Variants in VRK2 observed in about 807,000 individuals in gnomAD.
VRK2 encodes the protein VRK serine/threonine kinase 2.
Under a neutral mutation model 57.6 loss-of-function variants are expected in VRK2, and 60 were observed. The observed-to-expected ratio is 1.04, with a 90% CI of 0.85 to 1.29. The LOEUF (loss-of-function observed/expected upper bound fraction) is 1.29, where lower values mean the gene tolerates loss of function less well. Ranked by LOEUF, VRK2 falls within the 50% of genes most tolerant of loss-of-function variation. VRK2 has a pLI of 0.00. For synonymous variants in VRK2, 231 were observed against 199.2 expected, an observed-to-expected ratio of 1.16 and a Z score of -1.35; for missense variants, 705 against 588.1, an observed-to-expected ratio of 1.20 and a Z score of -2.06.
intron 1 of VRK2, among the ~76,000 whole-genome samples, chr2:57,938,109 C>T (rs919226019): frequency 7.2e-5 from 11 of 152,222 alleles, no homozygotes; most frequent in Middle Eastern, 3.4e-3. Flanking sequence ...GGATTAATGG[C>T]GTGAGCCACT....
intron 7 of VRK2, among the ~76,000 whole-genome samples, chr2:58,092,162 C>T (rs1245200265): frequency 6.6e-6 from 1 of 152,180 alleles, no homozygotes. Context: ...CAAAAGTTCT[C>T]TCATTCCTGT....
chr2:57,919,374 G>A (rs1670261784), intron 1 of VRK2, among the ~76,000 whole-genome samples: 1 of 152,024 alleles, frequency 6.6e-6, no homozygotes, highest in Admixed American at 6.6e-5. Context: ...TGTTTGCAAT[G>A]CTAAGAAAGT....
chr2:58,159,473 T>A lies in VRK2; in HGVS notation c.1307T>A (p.Phe436Tyr). ...TCATTTTATGAGCCTCATCAAGATT[T>A]TACCAGTCCAGATATATTCAAGAAG... ...PNSFYEPHQD[F>Y]TSPDIFKKSR... Residue 436 changes from phenylalanine to tyrosine, a missense_variant, in exon 13 of 13, where the codon TTT becomes TAT. Coordinates refer to ENST00000340157, the MANE Select transcript of VRK2 (RefSeq NM_006296.7). The A allele has an allele frequency of 6.2e-7, 1 of 1,613,776 alleles. No individual in the cohort carries two copies. Among genetic ancestry groups the A allele is most frequent in the Non-Finnish European group, 8.5e-7 (1 of 1,179,794 alleles).
At chr2:57,990,517 C>T (rs922324865) in intron 1 of VRK2, among the ~76,000 whole-genome samples, 2 of 152,128 alleles carry the variant, frequency 1.3e-5, no homozygotes, top group South Asian at 4.1e-4. Flanking sequence ...TTCAAAATGG[C>T]ACAGCAACTT....
intron 7 of VRK2, among the ~76,000 whole-genome samples, chr2:58,119,016 C>T (rs954997553): frequency 3.3e-5 from 5 of 151,986 alleles, no homozygotes; most frequent in South Asian, 2.1e-4. Flanking sequence ...TCAGTTAAGG[C>T]GGGGCAGGGC....
chr2:58,146,383 TC>T lies in VRK2; in HGVS notation c.1093del (p.His365ThrfsTer20). On this transcript the variant is annotated frameshift_variant, in exon 12 of 13. Coordinates refer to ENST00000340157, the MANE Select transcript of VRK2 (RefSeq NM_006296.7). LOFTEE classifies it high-confidence loss of function. Reference protein sequence around the residue: ...KAHNRLIEKKVHSERSAESCA... With the variant: ...KAHNRLIEKKXHSERSAESCA... ...CACAATAGGTTAATCGAAAAAAAAG[TC>T]CACAGTGAGAGAAGCGCTGAGTCCT... The T allele has an allele frequency of 6.2e-7, 1 of 1,611,676 alleles. No homozygotes were observed. Among genetic ancestry groups the T allele is most frequent in the Non-Finnish European group, 8.5e-7 (1 of 1,178,390 alleles).
intron 2 of VRK2, among the ~76,000 whole-genome samples, chr2:58,073,187 A>G (rs984638953): frequency 5.9e-5 from 9 of 151,988 alleles, no homozygotes; most frequent in African/African-American, 1.9e-4. Context: ...TATGATTTCT[A>G]TTCTTTTAAA....
At chr2:57,998,641 G>A (rs1381882827) in intron 1 of VRK2, among the ~76,000 whole-genome samples, 2 of 151,970 alleles carry the variant, frequency 1.3e-5, no homozygotes, top group African/African-American at 2.4e-5. Flanking sequence ...TTTAATGAAC[G>A]GGCCTGATGA....
At chr2:57,910,113 A>G (rs1190739725) in intron 1 of VRK2, among the ~76,000 whole-genome samples, 6 of 138,058 alleles carry the variant, frequency 4.3e-5, no homozygotes, top group South Asian at 2.2e-4. Context: ...AAGATAGAGG[A>G]AAAAAAAAAA....
intron 1 of VRK2, among the ~76,000 whole-genome samples, chr2:57,976,298 T>C (rs1382798715): frequency 1.3e-5 from 2 of 152,154 alleles, no homozygotes; most frequent in Non-Finnish European, 2.9e-5. Context: ...CTGGGTCAAG[T>C]GGTAGTTCTG....
intron 2 of VRK2, among the ~76,000 whole-genome samples, chr2:58,033,041 A>G (rs1027920332): frequency 1.3e-5 from 2 of 152,114 alleles, no homozygotes; most frequent in African/African-American, 4.8e-5. Context: ...TTAGGATTTA[A>G]CATATGAATT....
chr2:57,919,911 A>G (rs1235563365), intron 1 of VRK2, among the ~76,000 whole-genome samples: 2 of 152,128 alleles, frequency 1.3e-5, no homozygotes, highest in Non-Finnish European at 2.9e-5. Context: ...AGCTGAAGTT[A>G]AAAGTCTAAA....
chr2:58,075,369 G>A lies in VRK2; in HGVS notation c.137-8720G>A, dbSNP rs1427564984. Among the ~76,000 whole-genome samples, 4 of 152,146 alleles carry A rather than the reference G, an allele frequency of 2.6e-5. No individual in the cohort carries two copies. The East Asian group carries it at 7.7e-4, about 29-fold the overall frequency. Reference sequence around the variant, plus strand: ...ACATTCATGTGCATGGGTCTTTTTGGTAAAGCAATTTATATTCTTTTGGGT... The same window carrying A: ...ACATTCATGTGCATGGGTCTTTTTGATAAAGCAATTTATATTCTTTTGGGT... On this transcript the variant is annotated intron_variant, in intron 2 of 12. Transcript: ENST00000340157.
rs527932363 is a variant in VRK2, at chr2:57,978,959, ATG to A, written c.-438-46704_-438-46703del. Among the ~76,000 whole-genome samples the A allele has an allele frequency of 7.7e-4, 117 of 150,976 alleles. 9 individuals are homozygous for A. The highest frequency in any genetic ancestry group is 2.8e-3 in the African/African-American group (115 of 40,370). ...AAGATGATGGCTTCCAGTTTCATCT[ATG>A]TCCCTGCAAAGGATATGATCTATTG... On this transcript the variant is annotated intron_variant, in intron 1 of 15. Transcript: ENST00000417641.
In VRK2 at chr2:58,139,784, T is replaced by C. The variant is rs1235443733; in HGVS notation, c.975T>C (p.Phe325=). The change falls in exon 11 of 13, where the codon TTT becomes TTC. Residue 325 remains phenylalanine, a synonymous_variant. Coordinates refer to ENST00000340157, the MANE Select transcript of VRK2 (RefSeq NM_006296.7). ...PHGIPLGPLD[F]STKGQSINVH... ...GAATACCTTTAGGACCACTGGACTT[T>C]TCCACAAAAGGACAGAGTATAAATG... 1 of 1,612,986 alleles carries C rather than the reference T, an allele frequency of 6.2e-7. No individual in the cohort carries two copies. The highest frequency in any genetic ancestry group is 8.5e-7 in the Non-Finnish European group (1 of 1,179,354).
At chr2:58,133,418 T>C (rs1386158982) in intron 9 of VRK2, among the ~76,000 whole-genome samples, 1 of 152,210 alleles carries the variant, frequency 6.6e-6, no homozygotes, top group Admixed American at 6.5e-5. Flanking sequence ...AGATAAACCA[T>C]AGACATTTTC....
At chr2:58,073,654 T>A (rs113482769) in intron 2 of VRK2, among the ~76,000 whole-genome samples, 12 of 16,188 alleles carry the variant, frequency 7.4e-4, no homozygotes, top group South Asian at 5.1e-3. Context: ...ATATATATAT[T>A]TATATTTATA....
At chr2:58,140,044 A>G (rs576804866) in intron 11 of VRK2, among the ~76,000 whole-genome samples, 1 of 152,196 alleles carries the variant, frequency 6.6e-6, no homozygotes, top group South Asian at 2.1e-4. Flanking sequence ...CCTACTATGT[A>G]CTATGAAAGA....
intron 9 of VRK2, among the ~76,000 whole-genome samples, chr2:58,133,185 C>G (rs1451824638): frequency 6.6e-6 from 1 of 151,806 alleles, no homozygotes; most frequent in Non-Finnish European, 1.5e-5. Context: ...TATACAGATA[C>G]ATTCATTATA....
Sources: gnomAD v4.1 joint callset for allele counts (sites outside exome capture counted in the v4.1 genomes callset) on GRCh38, gnomAD v4.1.1 for gene constraint, MANE v1.5 for transcripts, NCBI Gene and HGNC (gene_info 2026-07-23, HGNC 2026-07-21) for gene names.